Variants in DCT observed in about 807,000 individuals in gnomAD.
DCT encodes L-dopachrome tautomerase.
Under a neutral mutation model 53.0 loss-of-function variants are expected in DCT, and 47 were observed. That is an observed-to-expected ratio of 0.89 (90% CI 0.70 to 1.13). The LOEUF is 1.13. Among genes scored for constraint, DCT ranks in the 50% most tolerant of loss-of-function variants. The pLI, the probability that DCT is intolerant of heterozygous loss-of-function variation, is 0.00. For missense variants in DCT, 669 were observed against 637.4 expected (o/e 1.05, Z -0.53); for synonymous variants, 244 against 237.0 (o/e 1.03, Z -0.27).
intron 2 of DCT, 196 bp downstream of exon 2, chr13:94,468,550 C>T: frequency 1.7e-6 from 1 of 590,382 alleles, no homozygotes; most frequent in East Asian, 2.8e-5. Context: ...TTTAAAGTGT[C>T]TGCATCCAAT....
At chr13:94,501,281 A>G in the DCT span, among the ~76,000 whole-genome samples, 1 of 152,046 alleles carries the variant, frequency 6.6e-6, no homozygotes, top group Admixed American at 6.5e-5. Flanking sequence ...ATAAATAAAT[A>G]AATTAATTAA....
the DCT span, among the ~76,000 whole-genome samples, chr13:94,547,234 A>G: frequency 6.6e-6 from 1 of 151,848 alleles, no homozygotes; most frequent in Non-Finnish European, 1.5e-5. Context: ...CTCCTGCCTC[A>G]GCCTCCCGAG....
At chr13:94,458,589 G>A (rs1883561180) in intron 6 of DCT, among the ~76,000 whole-genome samples, 1 of 152,052 alleles carries the variant, frequency 6.6e-6, no homozygotes, top group Admixed American at 6.6e-5. Flanking sequence ...AGATCAGGAG[G>A]TCAGGTGTTT....
intron 6 of DCT, chr13:94,452,718 T>C (rs1883177329): frequency 3.0e-6 from 2 of 677,032 alleles, no homozygotes; most frequent in African/African-American, 1.8e-5. Context: ...ATTAAAATAA[T>C]ACATTTCAGG....
chr13:94,464,933 G>T (rs1884064600), intron 4 of DCT, among the ~76,000 whole-genome samples: 1 of 152,076 alleles, frequency 6.6e-6, no homozygotes, highest in African/African-American at 2.4e-5. Flanking sequence ...GCCATACCAG[G>T]CTGTTTCCAG....
chr13:94,460,317 T>C, intron 5 of DCT, 91 bp from the exon 6 acceptor site: 3 of 1,245,918 alleles, frequency 2.4e-6, no homozygotes, highest in South Asian at 2.7e-5. Flanking sequence ...GTTGTCTAAT[T>C]TGAGATTGGG....
chr13:94,512,708 AT>A, the DCT span, among the ~76,000 whole-genome samples: 2 of 112,924 alleles, frequency 1.8e-5, no homozygotes, highest in African/African-American at 9.6e-5. Context: ...CAATGGTTTC[AT>A]ATATATATAT....
At chr13:94,458,365 T>C (rs1883543192) in intron 6 of DCT, among the ~76,000 whole-genome samples, 1 of 152,076 alleles carries the variant, frequency 6.6e-6, no homozygotes. Context: ...CTGCAAGGAG[T>C]AACAGACCAA....
intron 6 of DCT, among the ~76,000 whole-genome samples, chr13:94,454,730 GCTATAACT>G (rs1198668337): frequency 6.6e-5 from 10 of 152,116 alleles, no homozygotes; most frequent in African/African-American, 2.4e-4. Context: ...AATTCCAGAA[GCTATAACT>G]CTGTTAACTG....
the DCT span, among the ~76,000 whole-genome samples, chr13:94,499,470 G>GTA: frequency 4.6e-5 from 7 of 151,848 alleles, no homozygotes. Flanking sequence ...GAGTGAGTGT[G>GTA]TGTGTGTGTG....
At chr13:94,490,278 G>T in the DCT span, among the ~76,000 whole-genome samples, 2 of 152,018 alleles carry the variant, frequency 1.3e-5, no homozygotes, top group Non-Finnish European at 2.9e-5. Context: ...GCTGAGGTGA[G>T]TGGATCACCT....
chr13:94,531,867 G>A, the DCT span, among the ~76,000 whole-genome samples: 3 of 152,042 alleles, frequency 2.0e-5, no homozygotes, highest in Non-Finnish European at 4.4e-5. Context: ...TACAGAATGG[G>A]AGAAAATCTT....
At chr13:94,452,741 A>T (rs1373093845) in intron 6 of DCT, 1 of 640,094 alleles carries the variant, frequency 1.6e-6, no homozygotes, top group Non-Finnish European at 2.8e-6. Context: ...AAATCCATGC[A>T]AAAGAATACT....
the DCT span, among the ~76,000 whole-genome samples, chr13:94,538,133 GT>G: frequency 1.3e-5 from 2 of 152,136 alleles, no homozygotes; most frequent in Admixed American, 1.3e-4. Context: ...AAACAGCTAA[GT>G]TTTCTCGGGC....
the DCT span, among the ~76,000 whole-genome samples, chr13:94,519,143 T>C: frequency 2.6e-5 from 4 of 152,216 alleles, no homozygotes; most frequent in East Asian, 7.7e-4. Flanking sequence ...CATCTGCTAA[T>C]GATATCCTGC....
the DCT span, among the ~76,000 whole-genome samples, chr13:94,503,708 C>T: frequency 6.6e-6 from 1 of 152,218 alleles, no homozygotes; most frequent in Non-Finnish European, 1.5e-5. Flanking sequence ...CTGGGGATAG[C>T]ATGGCCCTGC....
intron 1 of DCT, among the ~76,000 whole-genome samples, chr13:94,472,126 G>A (rs2139360742): frequency 6.6e-6 from 1 of 152,204 alleles, no homozygotes; most frequent in South Asian, 2.1e-4. Flanking sequence ...TTGAAACTGA[G>A]TCATTCATAA....
chr13:94,523,150 T>A, the DCT span, among the ~76,000 whole-genome samples: 2 of 152,210 alleles, frequency 1.3e-5, no homozygotes, highest in Non-Finnish European at 2.9e-5. Context: ...CAACCATTCC[T>A]TTGTTAAATG....
the DCT span, among the ~76,000 whole-genome samples, chr13:94,529,856 G>C: frequency 6.6e-6 from 1 of 152,112 alleles, no homozygotes; most frequent in African/African-American, 2.4e-5. Context: ...CCAGCAGCTG[G>C]TTCTTTGAAA....
Sources: allele counts gnomAD v4.1 joint callset (sites outside exome capture counted in the v4.1 genomes callset), GRCh38; gene constraint gnomAD v4.1.1; transcripts MANE v1.5; gene names NCBI Gene and HGNC (gene_info 2026-07-23, HGNC 2026-07-21).